Variants in SNRNP200 observed in about 807,000 individuals in gnomAD.
SNRNP200 encodes U5 small nuclear ribonucleoprotein 200 kDa helicase.
Under a neutral mutation model 255.2 loss-of-function variants are expected in SNRNP200, and 66 were observed. The observed-to-expected ratio is 0.26, with a 90% CI of 0.21 to 0.32. SNRNP200 has a LOEUF of 0.32. SNRNP200 is among the 10% of genes least tolerant of loss of function. The pLI is 1.00. For synonymous variants in SNRNP200, 939 were observed against 1,027.8 expected (o/e 0.91, Z 1.65); for missense variants, 1,585 against 2,749.8 (o/e 0.58, Z 9.47).
chr2:96,284,014 G>T lies in SNRNP200; in HGVS notation c.4393-10C>A. Reference sequence around the variant, plus strand: ...TCACTTCTAAGACAGGCTGGAAAGAGGGAGGGAGGGAGGGTCACTGCAGGC... The same window carrying T: ...TCACTTCTAAGACAGGCTGGAAAGATGGAGGGAGGGAGGGTCACTGCAGGC... On this transcript the variant is annotated splice_polypyrimidine_tract_variant and intron_variant, in intron 31 of 44. Coordinates refer to ENST00000323853, the MANE Select transcript of SNRNP200 (RefSeq NM_014014.5). 2 of 1,487,454 alleles carry T rather than the reference G, an allele frequency of 1.3e-6. No individual in the cohort carries two copies. Among genetic ancestry groups the T allele is most frequent in the South Asian group, 1.2e-5 (1 of 84,120 alleles). The allele number at this position is 1,487,454 out of a possible 1,614,324, so 92.1% of individuals were successfully genotyped here. A position where few individuals can be genotyped will look rare whatever the true frequency, so the allele number is the denominator to read the frequency against.
At chr2:96,279,590 G>C in intron 35 of SNRNP200, 31 bp from the exon 36 acceptor site, 4 of 1,455,594 alleles carry the variant, frequency 2.7e-6, no homozygotes, top group Non-Finnish European at 3.9e-6. Flanking sequence ...AGAAGGAAAA[G>C]CCACCTCAAC....
rs1462082741 is a variant in SNRNP200 at position 96,305,505 on chromosome 2, C to T, written c.-68G>A. On this transcript the variant is annotated 5_prime_UTR_variant, in exon 1 of 45. Transcript: ENST00000323853. ...CCGCAAGCTGCAAACGGCCGCAGAT[C>T]TCTGCTCCCGCCGCGCCGGAACGAC... 1 of 1,603,152 alleles carries T rather than the reference C, an allele frequency of 6.2e-7. No homozygotes were observed. Among genetic ancestry groups the T allele is most frequent in the Non-Finnish European group, 8.5e-7 (1 of 1,172,550 alleles).
chr2:96,295,708 A>G (rs2063912668), intron 13 of SNRNP200, 50 bp from the exon 14 acceptor site: 3 of 1,598,656 alleles, frequency 1.9e-6, no homozygotes, highest in Non-Finnish European at 2.6e-6. Flanking sequence ...GGGCCTGGAC[A>G]CCATGCTTTC....
chr2:96,299,773 G>T (rs191130623), intron 5 of SNRNP200, among the ~76,000 whole-genome samples: 2 of 152,316 alleles, frequency 1.3e-5, no homozygotes, highest in Admixed American at 1.3e-4. Flanking sequence ...AGCAGGTGGT[G>T]ACTCCGGAAT....
At chr2:96,281,557 C>T (rs1306730458) in intron 35 of SNRNP200, 13 of 467,454 alleles carry the variant, frequency 2.8e-5, no homozygotes, top group Non-Finnish European at 4.0e-5. Flanking sequence ...AGATTAATGA[C>T]GTAACGTCAA....
chr2:96,287,362 A>G lies in SNRNP200; in HGVS notation c.3484+77T>C. On this transcript the variant is annotated intron_variant, in intron 26 of 44. Coordinates refer to ENST00000323853, the MANE Select transcript of SNRNP200 (RefSeq NM_014014.5). The surrounding 1 kb of genome is among the most constrained non-coding windows in gnomAD (Gnocchi z 5.7). ...ACACAGGATACTAATGCACAGGCCT[A>G]GGAACAGGAAGACTACATAGGCAAA... 1.6e-6 allele frequency: 2 copies of G among 1,214,626 alleles called. No individual in the cohort carries two copies. The highest frequency in any genetic ancestry group is 2.5e-6 in the Non-Finnish European group (2 of 815,638). 75.2% of individuals were successfully genotyped at this position (1,214,626 alleles called of 1,614,324 possible).
At position 96,290,218 on chromosome 2, in the gene SNRNP200, GGA is replaced by G. The variant is rs2063875783; in HGVS notation, c.2742+106_2742+107del. The G allele has an allele frequency of 2.4e-6, 3 of 1,245,438 alleles. No individual in the cohort carries two copies. In the African/African-American group the frequency reaches 4.4e-5, roughly 18 times the overall value. 77.1% of individuals were successfully genotyped at this position (1,245,438 alleles called of 1,614,324 possible). ...AGACCCAAGATGTGGGTGCAGGGATGGAAGGCCTCGGACGCTGCTGGCCCGCA... is the reference window on the plus strand; with the variant it reads ...AGACCCAAGATGTGGGTGCAGGGATGAGGCCTCGGACGCTGCTGGCCCGCA... On this transcript the variant is annotated intron_variant, in intron 20 of 44. Transcript: ENST00000323853. This position sits in a 1 kb window ranked among gnomAD's most constrained non-coding sequence, Gnocchi z 4.5.
At chr2:96,298,213 T>G in intron 9 of SNRNP200, 71 bp downstream of exon 9, 1 of 1,603,550 alleles carries the variant, frequency 6.2e-7, no homozygotes, top group Non-Finnish European at 8.5e-7. Context: ...AACATGAATT[T>G]AGCTTCATGC....
intron 43 of SNRNP200, 77 bp from the exon 44 acceptor site, chr2:96,275,426 C>G: frequency 8.1e-7 from 1 of 1,235,172 alleles, no homozygotes; most frequent in South Asian, 1.2e-5. Context: ...GGTACAGTTA[C>G]AAAAGAGAGA....
chr2:96,281,932 A>T lies in SNRNP200; in HGVS notation c.4916-10T>A. 1 of 1,609,542 alleles carries T rather than the reference A, an allele frequency of 6.2e-7. No homozygotes were observed. The highest frequency in any genetic ancestry group is 8.5e-7 in the Non-Finnish European group (1 of 1,176,010). On this transcript the variant is annotated splice_polypyrimidine_tract_variant and intron_variant, in intron 34 of 44. Coordinates refer to ENST00000323853, the MANE Select transcript of SNRNP200 (RefSeq NM_014014.5). ...ACCACCTGGATAGCCCCTGAGCAGT[A>T]GAGGGGAGAGGAAGGCTGAGGGCAG...
At chr2:96,279,721 C>A in intron 35 of SNRNP200, 162 bp from the exon 36 acceptor site, 2 of 656,438 alleles carry the variant, frequency 3.0e-6, no homozygotes, top group Non-Finnish European at 5.6e-6. Flanking sequence ...TTACAACTAG[C>A]TTCACTGGCT....
chr2:96,277,597 G>A lies in SNRNP200; in HGVS notation c.5873C>T (p.Ser1958Leu). The A allele has an allele frequency of 6.2e-7, 1 of 1,613,892 alleles. No homozygotes were observed. Among genetic ancestry groups the A allele is most frequent in the Non-Finnish European group, 8.5e-7 (1 of 1,180,046 alleles). Reference protein sequence around the residue: ...MVTQAMWSKDSYLKQLPHFTS... With the variant: ...MVTQAMWSKDLYLKQLPHFTS... ...GAAGTGTGGCAGCTGCTTCAGGTATGAGTCCTTGGACCACATGGCTTGGGT... is the reference window on the plus strand; with the variant it reads ...GAAGTGTGGCAGCTGCTTCAGGTATAAGTCCTTGGACCACATGGCTTGGGT... The change falls in exon 41 of 45, where the codon TCA becomes TTA. Residue 1958 changes from serine (S) to leucine (L), a missense_variant. By Grantham distance (145) the Ser-to-Leu change is moderately radical. This residue lies in a region of SNRNP200 where 279 missense variants were observed against 551.2 expected (regional missense o/e 0.51). Coordinates refer to ENST00000323853, the MANE Select transcript of SNRNP200 (RefSeq NM_014014.5). This position sits in a 1 kb window ranked among gnomAD's most constrained non-coding sequence, Gnocchi z 4.4.
chr2:96,303,410 C>T (rs1487631873), intron 2 of SNRNP200, 80 bp from the exon 3 acceptor site: 20 of 1,515,424 alleles, frequency 1.3e-5, no homozygotes, highest in Non-Finnish European at 1.7e-5. Flanking sequence ...ACCCTCCTCT[C>T]CTCAGCTTCA....
rs374466738 is a variant in SNRNP200, at chr2:96,286,294, G to C, written c.4003+17C>G. ...GGTGACTTCAAAAGCCTCCAGAGGA[G>C]GGATGGAAACACTTACCCTGGGTCT... is the stretch of plus-strand genomic sequence containing the variant. On this transcript the variant is annotated intron_variant, in intron 29 of 44. Transcript: ENST00000323853. The surrounding 1 kb of genome is among the most constrained non-coding windows in gnomAD (Gnocchi z 4.8). 820 of 1,613,228 alleles carry C rather than the reference G, an allele frequency of 5.1e-4. 16 individuals are homozygous for C. The South Asian group carries it at 8.6e-3, about 17-fold the overall frequency.
intron 29 of SNRNP200, 52 bp from the exon 30 acceptor site, chr2:96,285,392 G>A (rs538118643): frequency 1.4e-4 from 223 of 1,578,998 alleles, no homozygotes; most frequent in Middle Eastern, 3.5e-4. Flanking sequence ...AAGAAGAGAC[G>A]GACTGGGACA....
In SNRNP200 at chr2:96,289,844, G is replaced by C. The variant is rs2063873343; in HGVS notation, c.2895C>G (p.Asp965Glu). 1 of 1,614,058 alleles carries C rather than the reference G, an allele frequency of 6.2e-7. No homozygotes were observed. Among genetic ancestry groups the C allele is most frequent in the Admixed American group, 1.7e-5 (1 of 60,004 alleles). ...TGTCGTACTTGACCAGATTGTTCTT[G>C]TCCAGCATCAGGGCAGCTGTATGAA... ...DLVHTAALML[D>E]KNNLVKYDKK... is the part of the protein sequence containing the mutation. The change falls in exon 21 of 45, where the codon GAC (aspartate) becomes GAG (glutamate). Residue 965 changes from aspartate to glutamate, a missense_variant. Physicochemically the swap from Asp to Glu is conservative, Grantham distance 45. Transcript: ENST00000323853.
At position 96,299,338 on chromosome 2, in the gene SNRNP200, G is replaced by A. The variant is rs371036615; in HGVS notation, c.720C>T (p.Leu240=). The A allele has an allele frequency of 1.2e-6, 2 of 1,614,042 alleles. No individual in the cohort carries two copies. The highest frequency in any genetic ancestry group is 1.7e-6 in the Non-Finnish European group (2 of 1,179,972). ...AGCAAACTGAACTTACATTAGCCGA[G>A]AGGGTGCAGCGCACGACAGCCTCGT... ...EGDEAVVRCT[L]SANLVASGEL... is the part of the protein sequence containing the mutation. The change falls in exon 6 of 45, where the codon CTC becomes CTT. Residue 240 remains leucine, a synonymous_variant. Transcript: ENST00000323853.
At position 96,298,797 on chromosome 2, in the gene SNRNP200, T is replaced by C. The variant is rs1223484397; in HGVS notation, c.882+18A>G. 1.9e-6 allele frequency: 3 copies of C among 1,614,044 alleles called. No homozygotes were observed. Among genetic ancestry groups the C allele is most frequent in the Admixed American group, 1.7e-5 (1 of 60,008 alleles). The stretch of plus-strand genomic sequence containing the variant: ...CTAAGATACACTAAATATACAACTA[T>C]TGTCATCTTGGCCATACCTTCAAAA... On this transcript the variant is annotated intron_variant, in intron 7 of 44. Transcript: ENST00000323853.
chr2:96,290,109 C>A lies in SNRNP200; in HGVS notation c.2743-113G>T. ...CCAACTACAAGGATGCATATTACAT[C>A]GTATTCTGAATGTTTTTAGCATTTC... On this transcript the variant is annotated intron_variant, in intron 20 of 44. Transcript: ENST00000323853. This position sits in a 1 kb window ranked among gnomAD's most constrained non-coding sequence, Gnocchi z 4.5. 1.9e-6 allele frequency: 2 copies of A among 1,079,896 alleles called. No homozygotes were observed. The highest frequency in any genetic ancestry group is 1.3e-5 in the South Asian group (1 of 78,304). 66.9% of individuals were successfully genotyped at this position (1,079,896 alleles called of 1,614,324 possible).
Sources: gnomAD v4.1 joint callset for allele counts (sites outside exome capture counted in the v4.1 genomes callset) on GRCh38, gnomAD v4.1.1 for gene constraint, gnomAD v4.1.1 regional missense constraint, Gnocchi (gnomAD v3.1) non-coding constraint, MANE v1.5 for transcripts, NCBI Gene and HGNC (gene_info 2026-07-23, HGNC 2026-07-21) for gene names.